CEP112: variants seen among roughly 807,000 people sequenced by gnomAD.
CEP112 encodes the protein centrosomal protein of 112 kDa.
CEP112 carries 127 observed loss-of-function variants against 153.0 expected under a neutral mutation model. The ratio of observed to expected loss-of-function variants is 0.83; its 90% confidence interval spans 0.72 to 0.96. CEP112 has a LOEUF of 0.96. Ranked by LOEUF, CEP112 falls within the 40% of genes least tolerant of loss-of-function variation. The pLI is 0.00. For synonymous variants in CEP112, 358 were observed against 374.4 expected (o/e 0.96, Z 0.51); for missense variants, 1,089 against 1,101.2 (o/e 0.99, Z 0.16).
rs545940859 is a variant in CEP112, at chr17:65,643,927, G to T, written c.2698-2862C>A. 3.3e-5 allele frequency among the ~76,000 whole-genome samples: 5 copies of T among 152,308 alleles called. No homozygotes were observed. The South Asian group carries it at 1.0e-3, about 32-fold the overall frequency. ...AGCTTGGGGTACCTAGGAGGGCACA[G>T]CACTGCCTACAGAAATTCCTCAATC... is the stretch of plus-strand genomic sequence containing the variant. On this transcript the variant is annotated intron_variant, in intron 24 of 26. Coordinates refer to ENST00000535342, the MANE Select transcript of CEP112 (RefSeq NM_001199165.4).
At chr17:65,710,163 G>A (rs997207732) in intron 23 of CEP112, among the ~76,000 whole-genome samples, 3 of 152,130 alleles carry the variant, frequency 2.0e-5, no homozygotes, top group African/African-American at 4.8e-5. Flanking sequence ...TTCCTCTCTG[G>A]TGTCAGTGCT....
At chr17:66,130,633 G>A (rs947303179) in intron 5 of CEP112, among the ~76,000 whole-genome samples, 24 of 151,980 alleles carry the variant, frequency 1.6e-4, no homozygotes, top group South Asian at 8.3e-4. Context: ...AAAATTAGCC[G>A]GGCGTGGTGG....
intron 18 of CEP112, among the ~76,000 whole-genome samples, chr17:65,954,092 A>G (rs758399945): frequency 4.6e-5 from 7 of 152,178 alleles, no homozygotes; most frequent in Non-Finnish European, 8.8e-5. Flanking sequence ...ACCCTCACAG[A>G]GTCCACTTCA....
intron 24 of CEP112, among the ~76,000 whole-genome samples, chr17:65,674,519 T>G (rs1036639527): frequency 6.6e-6 from 1 of 152,154 alleles, no homozygotes; most frequent in African/African-American, 2.4e-5. Flanking sequence ...AGACAAAAAT[T>G]GCAGTCCAGG....
chr17:66,056,839 CA>C (rs1031466480), intron 11 of CEP112, among the ~76,000 whole-genome samples: 3 of 151,900 alleles, frequency 2.0e-5, no homozygotes, highest in African/African-American at 7.2e-5. Flanking sequence ...GTGAATACAT[CA>C]AAAAAACCAA....
At chr17:65,906,765 C>T (rs1234026880) in intron 19 of CEP112, among the ~76,000 whole-genome samples, 2 of 152,016 alleles carry the variant, frequency 1.3e-5, no homozygotes, top group African/African-American at 2.4e-5. Context: ...CTATGTTAAT[C>T]CCAACAAAAG....
chr17:65,981,578 T>TC (rs386365054), intron 17 of CEP112, among the ~76,000 whole-genome samples: 1 of 151,564 alleles, frequency 6.6e-6, no homozygotes, highest in Admixed American at 6.6e-5. Context: ...TTGATTTTTT[T>TC]GTTTGTTTGT....
At chr17:65,929,227 T>C (rs1049322749) in intron 18 of CEP112, among the ~76,000 whole-genome samples, 2 of 152,182 alleles carry the variant, frequency 1.3e-5, no homozygotes, top group African/African-American at 4.8e-5. Context: ...AAGCTGTTAT[T>C]AAAAAAGAAA....
intron 8 of CEP112, among the ~76,000 whole-genome samples, chr17:66,095,009 G>A (rs2068282206): frequency 6.6e-6 from 1 of 152,112 alleles, no homozygotes; most frequent in Admixed American, 6.6e-5. Flanking sequence ...AGTATTGGAG[G>A]GGATGTGGAG....
chr17:65,811,904 TACTA>T (rs2055981889), intron 21 of CEP112, among the ~76,000 whole-genome samples: 1 of 152,208 alleles, frequency 6.6e-6, no homozygotes, highest in Non-Finnish European at 1.5e-5. Context: ...GGTATTTTAC[TACTA>T]AATACCTGTA....
intron 12 of CEP112, among the ~76,000 whole-genome samples, chr17:66,031,832 T>G (rs1178695836): frequency 6.6e-6 from 1 of 152,080 alleles, no homozygotes; most frequent in African/African-American, 2.4e-5. Flanking sequence ...AGATGAGGCA[T>G]CATCCTGTAA....
At chr17:65,835,035 T>C (rs968897648) in intron 21 of CEP112, among the ~76,000 whole-genome samples, 4 of 152,050 alleles carry the variant, frequency 2.6e-5, no homozygotes, top group African/African-American at 7.2e-5. Flanking sequence ...AGATCATGTC[T>C]TTTATGGGAA....
intron 24 of CEP112, among the ~76,000 whole-genome samples, chr17:65,663,001 C>T (rs2046471340): frequency 6.6e-6 from 1 of 152,168 alleles, no homozygotes; most frequent in South Asian, 2.1e-4. Context: ...CATTCCCTCT[C>T]TTTATCTTGA....
At chr17:65,913,170 A>G (rs1275491266) in intron 19 of CEP112, among the ~76,000 whole-genome samples, 2 of 152,224 alleles carry the variant, frequency 1.3e-5, no homozygotes. Context: ...AAATGTCAAA[A>G]TAAGTTACTA....
chr17:66,191,967 G>T lies in CEP112; in HGVS notation c.-9+30C>A. The T allele has an allele frequency of 6.5e-6, 1 of 152,982 alleles. No homozygotes were observed. The highest frequency in any genetic ancestry group is 1.8e-4 in the South Asian group (1 of 5,474). The allele number at this position is 152,982 out of a possible 1,614,324, so 9.5% of individuals were successfully genotyped here. On this transcript the variant is annotated intron_variant, in intron 1 of 26. Coordinates refer to ENST00000535342, the MANE Select transcript of CEP112 (RefSeq NM_001199165.4). The surrounding 1 kb of genome is among the most constrained non-coding windows in gnomAD (Gnocchi z 4.2). The stretch of plus-strand genomic sequence containing the variant: ...ACTCAAGAACCTGGTGGGAGGGGCG[G>T]GGGAAGGAAATTCAGAAAAAAACGA...
At chr17:66,075,780 T>C (rs2067468436) in intron 8 of CEP112, among the ~76,000 whole-genome samples, 1 of 152,122 alleles carries the variant, frequency 6.6e-6, no homozygotes, top group South Asian at 2.1e-4. Flanking sequence ...AGCTCAAGAA[T>C]GACTGCAAGA....
chr17:65,824,998 CAGAAACT>C (rs1444675159), intron 21 of CEP112, among the ~76,000 whole-genome samples: 2 of 152,120 alleles, frequency 1.3e-5, no homozygotes, highest in Non-Finnish European at 2.9e-5. Flanking sequence ...GAACTGAAAG[CAGAAACT>C]AGAACAGATA....
At chr17:66,144,740 T>C (rs1343283918) in intron 4 of CEP112, among the ~76,000 whole-genome samples, 1 of 152,200 alleles carries the variant, frequency 6.6e-6, no homozygotes, top group Non-Finnish European at 1.5e-5. Flanking sequence ...AGTATTCCAT[T>C]ATATACATAA....
intron 22 of CEP112, among the ~76,000 whole-genome samples, chr17:65,746,807 C>A (rs1476895740): frequency 6.6e-6 from 1 of 151,908 alleles, no homozygotes; most frequent in African/African-American, 2.4e-5. Flanking sequence ...TAATCAAAAC[C>A]CTCCAGTTTT....
Sources: allele counts gnomAD v4.1 joint callset (sites outside exome capture counted in the v4.1 genomes callset), GRCh38; gene constraint gnomAD v4.1.1; non-coding constraint Gnocchi (gnomAD v3.1); transcripts MANE v1.5; gene names NCBI Gene and HGNC (gene_info 2026-07-23, HGNC 2026-07-21).